Variants in ATP2B1 observed in about 807,000 individuals in gnomAD.
The protein encoded by ATP2B1 is plasma membrane calcium-transporting ATPase 1.
Under a neutral mutation model 124.2 loss-of-function variants are expected in ATP2B1, and 14 were observed. The ratio of observed to expected loss-of-function variants is 0.11; its 90% CI spans 0.07 to 0.18. The LOEUF is 0.18. ATP2B1 is among the 10% of genes least tolerant of loss of function. ATP2B1 has a pLI of 1.00. For synonymous variants in ATP2B1, 449 were observed against 492.4 expected (o/e 0.91, Z 1.17); for missense variants, 763 against 1,466.1 (o/e 0.52, Z 7.83).
intron 11 of ATP2B1, among the ~76,000 whole-genome samples, chr12:89,618,312 C>G (rs1339744545): frequency 6.6e-6 from 1 of 152,194 alleles, no homozygotes; most frequent in African/African-American, 2.4e-5. Flanking sequence ...AGGCTTCACA[C>G]TAGACAGTTG....
chr12:89,666,929 T>G (rs2136473806), intron 1 of ATP2B1, among the ~76,000 whole-genome samples: 1 of 152,224 alleles, frequency 6.6e-6, no homozygotes, highest in East Asian at 1.9e-4. Context: ...TTCAGATACA[T>G]TCTACTACAT....
intron 2 of ATP2B1, among the ~76,000 whole-genome samples, chr12:89,643,721 T>A (rs145553618): frequency 1.2e-3 from 190 of 152,372 alleles, no homozygotes; most frequent in African/African-American, 4.3e-3. Context: ...GCAAAGTGTG[T>A]ACACATGTAC....
At chr12:89,615,473 T>C (rs887266331) in intron 12 of ATP2B1, among the ~76,000 whole-genome samples, 14 of 152,196 alleles carry the variant, frequency 9.2e-5, no homozygotes, top group African/African-American at 3.4e-4. Flanking sequence ...TACTTAGCTG[T>C]CTTCTTCCTC....
At chr12:89,615,096 C>T (rs1342249926) in intron 12 of ATP2B1, among the ~76,000 whole-genome samples, 1 of 152,210 alleles carries the variant, frequency 6.6e-6, no homozygotes, top group Non-Finnish European at 1.5e-5. Context: ...TATAGCCACA[C>T]TGGCCTCTTT....
rs749172675 is a variant in ATP2B1, at chr12:89,628,804, T to C, written c.929-1088A>G. Among the ~76,000 whole-genome samples, 6 of 152,114 alleles carry C rather than the reference T, an allele frequency of 3.9e-5. No homozygotes were observed. The East Asian group carries it at 5.8e-4, about 15-fold the overall frequency. On this transcript the variant is annotated intron_variant, in intron 6 of 20. Coordinates refer to ENST00000428670, the MANE Select transcript of ATP2B1 (RefSeq NM_001366521.1). ...TAGAAGCTCAAGATTGATGAGGAGA[T>C]AGTAAGATAATACCTAGCTACTTTT...
In ATP2B1 at chr12:89,611,177, A is replaced by G; in HGVS notation, c.2247+16T>C. On this transcript the variant is annotated intron_variant, in intron 13 of 20. Coordinates refer to ENST00000428670, the MANE Select transcript of ATP2B1 (RefSeq NM_001366521.1). Reference sequence around the variant, plus strand: ...AACATCTGTCAACCAAAAACAAAATAATAATAAATCTTTACCTCTCCTTTT... The same window carrying G: ...AACATCTGTCAACCAAAAACAAAATGATAATAAATCTTTACCTCTCCTTTT... The G allele has an allele frequency of 6.4e-7, 1 of 1,566,396 alleles. No individual in the cohort carries two copies. The highest frequency in any genetic ancestry group is 8.6e-7 in the Non-Finnish European group (1 of 1,163,164).
chr12:89,686,025 G>T (rs1889928293), intron 1 of ATP2B1, among the ~76,000 whole-genome samples: 1 of 152,088 alleles, frequency 6.6e-6, no homozygotes, highest in Admixed American at 6.6e-5. Context: ...CACCTTGTCT[G>T]TAGCATTCTG....
chr12:89,643,523 AAGGTATACTGTAGG>A (rs1205298027), intron 2 of ATP2B1, among the ~76,000 whole-genome samples: 1 of 152,162 alleles, frequency 6.6e-6, no homozygotes, highest in African/African-American at 2.4e-5. Flanking sequence ...CTTAAGGTAA[AAGGTATACTGTAGG>A]AGGTATACTG....
intron 2 of ATP2B1, among the ~76,000 whole-genome samples, chr12:89,648,809 A>AG (rs1273899739): frequency 2.0e-5 from 3 of 152,254 alleles, no homozygotes; most frequent in Non-Finnish European, 4.4e-5. Flanking sequence ...TTCAAGGGCT[A>AG]GGCCCAGGGT....
In ATP2B1 at chr12:89,621,484, T is replaced by A; in HGVS notation, c.1587+65A>T. 2.3e-6 allele frequency: 3 copies of A among 1,276,978 alleles called. No homozygotes were observed. The East Asian group carries it at 7.8e-5, about 33-fold the overall frequency. The allele number at this position is 1,276,978 out of a possible 1,614,324, so 79.1% of individuals were successfully genotyped here. ...CATACAGTAATGGTGGTCTGAAGAC[T>A]TACATATAGTCTGATCATTATAGAT... On this transcript the variant is annotated intron_variant, in intron 10 of 20. Coordinates refer to ENST00000428670, the MANE Select transcript of ATP2B1 (RefSeq NM_001366521.1).
chr12:89,610,221 G>A (rs368939445), intron 14 of ATP2B1, among the ~76,000 whole-genome samples, 178 bp from the exon 15 acceptor site: 11 of 152,260 alleles, frequency 7.2e-5, no homozygotes, highest in African/African-American at 2.6e-4. Flanking sequence ...GGTATATTCA[G>A]AGCAATATCC....
chr12:89,678,698 T>C (rs1888977942), intron 1 of ATP2B1, among the ~76,000 whole-genome samples: 2 of 152,194 alleles, frequency 1.3e-5, no homozygotes, highest in African/African-American at 4.8e-5. Flanking sequence ...CAATTGAACC[T>C]GTATACTGCC....
chr12:89,621,523 T>C, intron 10 of ATP2B1, 26 bp downstream of exon 10: 1 of 1,439,534 alleles, frequency 6.9e-7, no homozygotes, highest in Non-Finnish European at 9.4e-7. Context: ...AAAATTAATT[T>C]TCATAAATTA....
rs1481923552 is a variant in ATP2B1 at position 89,621,508 on chromosome 12, AT to A, written c.1587+40del. 5.7e-6 allele frequency: 8 copies of A among 1,398,092 alleles called. No homozygotes were observed. In the Admixed American group the frequency reaches 1.9e-4, roughly 34 times the overall value. The allele number at this position is 1,398,092 out of a possible 1,614,324, so 86.6% of individuals were successfully genotyped here. A position where few individuals can be genotyped will look rare whatever the true frequency, so the allele number is the denominator to read the frequency against. ...CTTACATATAGTCTGATCATTATAG[AT>A]TTAAAAATTAATTTTCATAAATTAT... On this transcript the variant is annotated intron_variant, in intron 10 of 20. Transcript: ENST00000428670.
chr12:89,701,414 T>C (rs1364096598), intron 1 of ATP2B1, among the ~76,000 whole-genome samples: 1 of 152,202 alleles, frequency 6.6e-6, no homozygotes, highest in African/African-American at 2.4e-5. Flanking sequence ...TATATCACGA[T>C]ATATAGAACT....
intron 10 of ATP2B1, 56 bp downstream of exon 10, chr12:89,621,493 G>C: frequency 7.4e-7 from 1 of 1,345,794 alleles, no homozygotes; most frequent in Non-Finnish European, 9.9e-7. Flanking sequence ...CTTACATATA[G>C]TCTGATCATT....
intron 15 of ATP2B1, 60 bp from the exon 16 acceptor site, chr12:89,604,406 A>C (rs1288338986): frequency 3.8e-6 from 5 of 1,326,250 alleles, no homozygotes; most frequent in Non-Finnish European, 3.1e-6. Context: ...TCAAATAGTC[A>C]AAAAATACAC....
At chr12:89,695,805 ATTC>A (rs1176872518) in intron 1 of ATP2B1, among the ~76,000 whole-genome samples, 2 of 152,174 alleles carry the variant, frequency 1.3e-5, no homozygotes, top group African/African-American at 4.8e-5. Context: ...GGATAGTAAA[ATTC>A]TTGTTTCACA....
At chr12:89,629,582 A>ACC in intron 6 of ATP2B1, among the ~76,000 whole-genome samples, 1 of 152,234 alleles carries the variant, frequency 6.6e-6, no homozygotes, top group African/African-American at 2.4e-5. Context: ...GCAAAACTCA[A>ACC]AGAACAAAAC....
Sources: gnomAD v4.1 joint callset for allele counts (sites outside exome capture counted in the v4.1 genomes callset) on GRCh38, gnomAD v4.1.1 for gene constraint, MANE v1.5 for transcripts, NCBI Gene and HGNC (gene_info 2026-07-23, HGNC 2026-07-21) for gene names.